The following DOCK3 variants were observed in gnomAD, a reference collection of about 807,000 sequenced individuals.
DOCK3 encodes dedicator of cytokinesis protein 3.
In DOCK3, 60 loss-of-function variants were observed where a neutral mutation model predicts 265.6. That is an observed-to-expected ratio of 0.23 (90% CI 0.18 to 0.28). The LOEUF (loss-of-function observed/expected upper bound fraction) is 0.28, where lower values mean the gene tolerates loss of function less well. Among genes scored for constraint, DOCK3 ranks in the 10% least tolerant of loss-of-function variants. The probability of loss-of-function intolerance (pLI) is 1.00; values close to 1 mark genes in which losing one functional copy is unlikely to be tolerated. For missense variants in DOCK3, 1,981 were observed against 2,594.3 expected, an observed-to-expected ratio of 0.76 and a Z score of 5.14; for synonymous variants, 881 against 938.0, an observed-to-expected ratio of 0.94 and a Z score of 1.11.
At chr3:51,290,030 AAAC>A (rs2081643116) in intron 27 of DOCK3, among the ~76,000 whole-genome samples, 1 of 152,132 alleles carries the variant, frequency 6.6e-6, no homozygotes, top group Non-Finnish European at 1.5e-5. Flanking sequence ...AAAAGTCAGG[AAAC>A]AACAGGTGCT....
intron 5 of DOCK3, among the ~76,000 whole-genome samples, chr3:51,060,323 A>AT (rs2081367869): frequency 6.6e-6 from 1 of 151,946 alleles, no homozygotes; most frequent in African/African-American, 2.4e-5. Flanking sequence ...GTTTTCTAAA[A>AT]TTTTCTCCCA....
At chr3:50,786,799 G>C (rs140021702) in intron 2 of DOCK3, 2 of 740,308 alleles carry the variant, frequency 2.7e-6, no homozygotes, top group African/African-American at 3.4e-5. Context: ...TGTGCCCAAC[G>C]TGGATGCTCA....
At chr3:51,210,799 T>G (rs2089459063) in intron 13 of DOCK3, among the ~76,000 whole-genome samples, 1 of 152,238 alleles carries the variant, frequency 6.6e-6, no homozygotes, top group South Asian at 2.1e-4. Flanking sequence ...CTTGCAGTTC[T>G]GTTTCAGAAG....
chr3:50,874,066 G>GTTTTTTTTTTTTTTTTTTTTTTTTTTTT (rs3043436), intron 3 of DOCK3, among the ~76,000 whole-genome samples: 1 of 106,228 alleles, frequency 9.4e-6, no homozygotes, highest in Non-Finnish European at 2.0e-5. Flanking sequence ...CTTTTCTTTT[G>GTTTTTTTTTTTTTTTTTTTTTTTTTTTT]TTTTTTTTTT....
intron 5 of DOCK3, among the ~76,000 whole-genome samples, chr3:51,050,344 A>G (rs900586246): frequency 6.6e-6 from 1 of 152,162 alleles, no homozygotes; most frequent in Non-Finnish European, 1.5e-5. Context: ...CTGTGATTGC[A>G]CCACTACACT....
At chr3:50,766,088 T>A (rs2040854937) in intron 1 of DOCK3, among the ~76,000 whole-genome samples, 1 of 152,220 alleles carries the variant, frequency 6.6e-6, no homozygotes, top group African/African-American at 2.4e-5. Context: ...TTGTCGCAAG[T>A]GACAGGATTT....
intron 5 of DOCK3, among the ~76,000 whole-genome samples, chr3:50,977,543 G>T (rs2077502049): frequency 6.6e-6 from 1 of 152,152 alleles, no homozygotes; most frequent in Non-Finnish European, 1.5e-5. Flanking sequence ...CCCTTTGAGG[G>T]TAACCCGACC....
chr3:51,001,961 C>T lies in DOCK3; in HGVS notation c.316-62487C>T, dbSNP rs146501833. 5.3e-5 allele frequency among the ~76,000 whole-genome samples: 8 copies of T among 151,922 alleles called. 1 individual carries two copies. The East Asian group carries it at 1.4e-3, about 26-fold the overall frequency. ...CAGGGTCTCACTCTGTCACCCAGGC[C>T]GGAATGCAGTGGTATTGGTATTTTT... On this transcript the variant is annotated intron_variant, in intron 5 of 52. Transcript: ENST00000266037.
At chr3:50,878,267 A>T (rs183183015) in intron 3 of DOCK3, among the ~76,000 whole-genome samples, 42 of 152,370 alleles carry the variant, frequency 2.8e-4, no homozygotes, top group Non-Finnish European at 2.9e-5. Flanking sequence ...CAAAGCTGGA[A>T]GGAGAATGAC....
At chr3:50,922,966 G>A (rs2050574250) in intron 4 of DOCK3, among the ~76,000 whole-genome samples, 1 of 151,928 alleles carries the variant, frequency 6.6e-6, no homozygotes, top group Admixed American at 6.6e-5. Context: ...TCATTCTTAA[G>A]CCTTTTCATC....
At chr3:51,340,048 G>A (rs1436508144) in intron 37 of DOCK3, among the ~76,000 whole-genome samples, 1 of 152,196 alleles carries the variant, frequency 6.6e-6, no homozygotes, top group Non-Finnish European at 1.5e-5. Context: ...ACTGGGCTGA[G>A]TCTACCATTC....
intron 3 of DOCK3, among the ~76,000 whole-genome samples, chr3:50,861,323 C>T (rs930780916): frequency 3.9e-5 from 6 of 152,178 alleles, no homozygotes; most frequent in African/African-American, 1.4e-4. Context: ...ACACTAGCTT[C>T]TTCTAGTCAG....
At chr3:51,160,084 A>G (rs1312357112) in intron 11 of DOCK3, among the ~76,000 whole-genome samples, 5 of 152,152 alleles carry the variant, frequency 3.3e-5, no homozygotes, top group African/African-American at 9.7e-5. Context: ...TTCTAAGACT[A>G]CTCTCAGTCC....
At chr3:50,956,264 A>T (rs1376004641) in intron 5 of DOCK3, among the ~76,000 whole-genome samples, 2 of 152,252 alleles carry the variant, frequency 1.3e-5, no homozygotes, top group Non-Finnish European at 2.9e-5. Flanking sequence ...CAACTCCAAT[A>T]AGAAATACGA....
At chr3:50,970,904 TATATATATATATATATATA>T (rs2077191072) in intron 5 of DOCK3, among the ~76,000 whole-genome samples, 2 of 48,160 alleles carry the variant, frequency 4.2e-5, no homozygotes, top group Non-Finnish European at 7.8e-5. Context: ...TATATATATA[TATATATATATATATATATA>T]TATATATATA....
intron 22 of DOCK3, among the ~76,000 whole-genome samples, chr3:51,250,148 G>A (rs1417216850): frequency 1.3e-5 from 2 of 151,484 alleles, no homozygotes; most frequent in Non-Finnish European, 2.9e-5. Context: ...AAGGCCGCAG[G>A]GTCCTCTGCC....
At chr3:51,166,561 C>G (rs2086418510) in intron 12 of DOCK3, among the ~76,000 whole-genome samples, 1 of 152,176 alleles carries the variant, frequency 6.6e-6, no homozygotes, top group African/African-American at 2.4e-5. Flanking sequence ...AATGGCTGCA[C>G]CAATTTACAT....
intron 27 of DOCK3, among the ~76,000 whole-genome samples, chr3:51,288,873 G>GT (rs2081563391): frequency 6.6e-6 from 1 of 150,956 alleles, no homozygotes; most frequent in African/African-American, 2.5e-5. Flanking sequence ...CTAGGAGAGG[G>GT]GTGTTTGTGT....
At chr3:50,791,258 CTTTTTTTTTT>C (rs34015684) in intron 2 of DOCK3, among the ~76,000 whole-genome samples, 3 of 62,782 alleles carry the variant, frequency 4.8e-5, no homozygotes, top group Non-Finnish European at 3.0e-5. Context: ...TTAAATCTAT[CTTTTTTTTTT>C]TTTTTTTTTT....
Sources: gnomAD v4.1 joint callset for allele counts (sites outside exome capture counted in the v4.1 genomes callset) on GRCh38, gnomAD v4.1.1 for gene constraint, MANE v1.5 for transcripts, NCBI Gene and HGNC (gene_info 2026-07-23, HGNC 2026-07-21) for gene names.